EXD3: variants seen among roughly 807,000 people sequenced by gnomAD.
EXD3 encodes the protein exonuclease mut-7 homolog.
In EXD3, 92 loss-of-function variants were observed where a neutral mutation model predicts 98.0. The ratio of observed to expected loss-of-function variants is 0.94; its 90% CI spans 0.79 to 1.12. The LOEUF (loss-of-function observed/expected upper bound fraction) is 1.12, where lower values mean the gene tolerates loss of function less well. EXD3 is among the 50% of genes most tolerant of loss of function. EXD3 has a pLI of 0.00. For synonymous variants in EXD3, 569 were observed against 526.0 expected, an observed-to-expected ratio of 1.08 and a Z score of -1.12; for missense variants, 1,222 against 1,191.6, an observed-to-expected ratio of 1.03 and a Z score of -0.38.
intron 1 of EXD3, among the ~76,000 whole-genome samples, chr9:137,411,816 C>T (rs966863371): frequency 4.6e-5 from 7 of 152,078 alleles, no homozygotes; most frequent in East Asian, 1.9e-4. Flanking sequence ...TTCTGCACAC[C>T]GCAGTGAGTC....
At chr9:137,358,183 G>A (rs1834886530) in intron 7 of EXD3, among the ~76,000 whole-genome samples, 1 of 152,192 alleles carries the variant, frequency 6.6e-6, no homozygotes, top group Non-Finnish European at 1.5e-5. Flanking sequence ...GCTGGCGAGA[G>A]GCCCCACAGC....
chr9:137,350,878 C>A (rs971081362), intron 14 of EXD3, among the ~76,000 whole-genome samples, 160 bp downstream of exon 14: 1 of 152,066 alleles, frequency 6.6e-6, no homozygotes, highest in Non-Finnish European at 1.5e-5. Context: ...CCAGATCCAG[C>A]TCTGCCAGGC....
Position 137,371,729 on chromosome 9 carries a change from A to G in EXD3, c.462+1176T>C, listed in dbSNP as rs770912827. ...CCCCCAGGCAGGACACCCCTGGGCC[A>G]AGCACCCCCGGGCCGAGCACCCCCA... On this transcript the variant is annotated intron_variant, in intron 5 of 21. Transcript: ENST00000340951. The surrounding 1 kb of genome is among the most constrained non-coding windows in gnomAD (Gnocchi z 8.0). 1.3e-5 allele frequency among the ~76,000 whole-genome samples: 2 copies of G among 149,760 alleles called. No individual in the cohort carries two copies. Among genetic ancestry groups the G allele is most frequent in the South Asian group, 4.3e-4 (2 of 4,688 alleles).
chr9:137,342,576 A>G (rs1311105755), intron 17 of EXD3, among the ~76,000 whole-genome samples: 1 of 152,176 alleles, frequency 6.6e-6, no homozygotes, highest in East Asian at 1.9e-4. Flanking sequence ...TGCCTGGCAT[A>G]TACCAAAATT....
chr9:137,405,573 G>C lies in EXD3; in HGVS notation c.-47-10169C>G, dbSNP rs1837677611. Reference sequence around the variant, plus strand: ...CGTCTCATGGTTCAAGAAATGCCAGGCTCTGGGCTGAGAGGCAGAAGGCTC... The same window carrying C: ...CGTCTCATGGTTCAAGAAATGCCAGCCTCTGGGCTGAGAGGCAGAAGGCTC... On this transcript the variant is annotated intron_variant, in intron 1 of 21. Coordinates refer to ENST00000340951, the MANE Select transcript of EXD3 (RefSeq NM_017820.5). This position sits in a 1 kb window ranked among gnomAD's most constrained non-coding sequence, Gnocchi z 4.1. Among the ~76,000 whole-genome samples the C allele has an allele frequency of 6.6e-6, 1 of 152,258 alleles. No homozygotes were observed. Among genetic ancestry groups the C allele is most frequent in the African/African-American group, 2.4e-5 (1 of 41,470 alleles).
At chr9:137,408,546 C>CAAAAAAAAAAAAA (rs570243090) in intron 1 of EXD3, among the ~76,000 whole-genome samples, 4 of 44,504 alleles carry the variant, frequency 9.0e-5, no homozygotes, top group Non-Finnish European at 1.2e-4. Flanking sequence ...GACTCTGCCT[C>CAAAAAAAAAAAAA]AAAAAAAAAA....
Position 137,356,321 on chromosome 9 carries a change from T to G in EXD3, c.704A>C (p.Lys235Thr). The G allele has an allele frequency of 1.9e-6, 3 of 1,604,870 alleles. No homozygotes were observed. Among genetic ancestry groups the G allele is most frequent in the Non-Finnish European group, 2.6e-6 (3 of 1,176,136 alleles). The change falls in exon 8 of 22, where the codon AAG becomes ACG. Residue 235 changes from lysine to threonine, a missense_variant. Coordinates refer to ENST00000340951, the MANE Select transcript of EXD3 (RefSeq NM_017820.5). The stretch of plus-strand genomic sequence containing the variant: ...ACGCAAGACCTGCCTGCTCAGCGCC[T>G]TCGGACTCAGCTTCTCCAGGCTCAA... ...TSLSLEKLSP[K>T]ALSRQVLRLQ...
chr9:137,408,261 T>TG (rs921158239), intron 1 of EXD3, among the ~76,000 whole-genome samples: 4 of 151,262 alleles, frequency 2.6e-5, no homozygotes, highest in Admixed American at 6.6e-5. Flanking sequence ...GGCTTTGGGG[T>TG]GGGGGGGCCG....
chr9:137,405,519 GT>G lies in EXD3; in HGVS notation c.-47-10116del, dbSNP rs1249286802. Reference sequence around the variant, plus strand: ...CACTCACCCGTCCCCAGCATCCACAGTTTCTCAGGCTCTCAACAATAAACTT... The same window carrying G: ...CACTCACCCGTCCCCAGCATCCACAGTTCTCAGGCTCTCAACAATAAACTT... On this transcript the variant is annotated intron_variant, in intron 1 of 21. Coordinates refer to ENST00000340951, the MANE Select transcript of EXD3 (RefSeq NM_017820.5). This position sits in a 1 kb window ranked among gnomAD's most constrained non-coding sequence, Gnocchi z 4.1. Among the ~76,000 whole-genome samples the G allele has an allele frequency of 1.3e-5, 2 of 152,198 alleles. No homozygotes were observed. The highest frequency in any genetic ancestry group is 4.8e-5 in the African/African-American group (2 of 41,458).
At position 137,324,108 on chromosome 9, in the gene EXD3, C is replaced by G; in HGVS notation, c.2034G>C (p.Ser678=). 1 of 1,588,372 alleles carries G rather than the reference C, an allele frequency of 6.3e-7. No individual in the cohort carries two copies. The highest frequency in any genetic ancestry group is 8.6e-7 in the Non-Finnish European group (1 of 1,168,196). The change falls in exon 18 of 22, where the codon TCG becomes TCC. Residue 678 remains serine, a synonymous_variant. Coordinates refer to ENST00000340951, the MANE Select transcript of EXD3 (RefSeq NM_017820.5). This position sits in a 1 kb window ranked among gnomAD's most constrained non-coding sequence, Gnocchi z 4.1. ...CACTCACCTTGTGGAATGGCTGCCCCGACGTCAGAATGATCCTCCCCTCCT... is the reference window on the plus strand; with the variant it reads ...CACTCACCTTGTGGAATGGCTGCCCGGACGTCAGAATGATCCTCCCCTCCT... ...ARQEGRIILT[S]GQPFHKLRAQ...
intron 1 of EXD3, among the ~76,000 whole-genome samples, chr9:137,404,519 T>C (rs368720097): frequency 1.3e-5 from 2 of 152,204 alleles, no homozygotes; most frequent in African/African-American, 4.8e-5. Context: ...TGTAATACAA[T>C]ATTTGGAAAA....
chr9:137,362,359 A>G (rs1484844379), intron 7 of EXD3, among the ~76,000 whole-genome samples: 1 of 152,258 alleles, frequency 6.6e-6, no homozygotes, highest in Non-Finnish European at 1.5e-5. Flanking sequence ...TTAACATAGA[A>G]ACATTAAATG....
intron 7 of EXD3, among the ~76,000 whole-genome samples, chr9:137,364,914 G>A (rs1264703364): frequency 1.3e-5 from 2 of 151,430 alleles, no homozygotes; most frequent in South Asian, 2.1e-4. Flanking sequence ...GACTACAGGC[G>A]CCTGCTACCG....
At chr9:137,325,713 G>A (rs985691135) in intron 17 of EXD3, among the ~76,000 whole-genome samples, 10 of 152,166 alleles carry the variant, frequency 6.6e-5, no homozygotes, top group Non-Finnish European at 1.5e-4. Flanking sequence ...GATTACAGGT[G>A]TGAGCCACCG....
In EXD3 at chr9:137,355,684, A is replaced by C. The variant is rs2119255609; in HGVS notation, c.757+584T>G. On this transcript the variant is annotated intron_variant, in intron 8 of 21. Coordinates refer to ENST00000340951, the MANE Select transcript of EXD3 (RefSeq NM_017820.5). ...AGGAAGGAGAAAGGGAGGATGGAGG[A>C]AGGAGAAAGGGAGGAAGGAGGAAGG... is the stretch of plus-strand genomic sequence containing the variant. Among the ~76,000 whole-genome samples the C allele has an allele frequency of 3.7e-5, 5 of 134,078 alleles. No individual in the cohort carries two copies. In the South Asian group the frequency reaches 1.2e-3, roughly 33 times the overall value. The allele number at this position is 134,078 out of a possible 152,430, so 88.0% of individuals were successfully genotyped here. A position where few individuals can be genotyped will look rare whatever the true frequency, so the allele number is the denominator to read the frequency against.
At chr9:137,307,967 C>T (rs1831136266) in intron 20 of EXD3, among the ~76,000 whole-genome samples, 1 of 139,222 alleles carries the variant, frequency 7.2e-6, no homozygotes, top group Non-Finnish European at 1.5e-5. Context: ...CGGGGGCAGC[C>T]CATTTGTGGT....
chr9:137,345,397 C>G (rs1006907821), intron 17 of EXD3, among the ~76,000 whole-genome samples: 15 of 152,194 alleles, frequency 9.9e-5, no homozygotes, highest in Admixed American at 2.6e-4. Flanking sequence ...TGTGGTGGCT[C>G]ACGCCTGTAA....
chr9:137,369,618 C>T (rs929143446), intron 5 of EXD3, among the ~76,000 whole-genome samples: 26 of 3,194 alleles, frequency 8.1e-3, no homozygotes, highest in Middle Eastern at 0.5. Context: ...AGCCTCCCTC[C>T]GAGGGACAGA....
intron 17 of EXD3, among the ~76,000 whole-genome samples, chr9:137,335,237 C>T (rs1833293949): frequency 6.6e-6 from 1 of 152,078 alleles, no homozygotes; most frequent in African/African-American, 2.4e-5. Context: ...AAAAAATGGG[C>T]AAATGACACA....
Sources: allele counts gnomAD v4.1 joint callset (sites outside exome capture counted in the v4.1 genomes callset), GRCh38; gene constraint gnomAD v4.1.1; non-coding constraint Gnocchi (gnomAD v3.1); transcripts MANE v1.5; gene names NCBI Gene and HGNC (gene_info 2026-07-23, HGNC 2026-07-21).